Variants in PLXNA2 observed in about 807,000 individuals in gnomAD.
The protein encoded by PLXNA2 is plexin A2.
In PLXNA2, 91 loss-of-function variants were observed where a neutral mutation model predicts 193.5. The observed-to-expected ratio is 0.47, with a 90% CI of 0.40 to 0.56. The LOEUF (loss-of-function observed/expected upper bound fraction) is 0.56. PLXNA2 is among the 20% of genes least tolerant of loss of function. The probability of loss-of-function intolerance (pLI) is 0.00; values close to 1 mark genes in which losing one functional copy is unlikely to be tolerated. For missense variants in PLXNA2, 1,995 were observed against 2,503.2 expected (o/e 0.80, Z 4.33); for synonymous variants, 997 against 1,027.3 (o/e 0.97, Z 0.56).
In PLXNA2 at chr1:208,217,945, A is replaced by G. The variant is rs997489623; in HGVS notation, c.-23T>C. ...CATGCTGAGAGGGGCGGCGGTGAGG[A>G]GACGGCTCCTGTGTGTGCTCATCTG... On this transcript the variant is annotated 5_prime_UTR_variant, in exon 2 of 32. Transcript: ENST00000367033. The surrounding 1 kb of genome is among the most constrained non-coding windows in gnomAD (Gnocchi z 4.7). 14 of 1,601,792 alleles carry G rather than the reference A, an allele frequency of 8.7e-6. No homozygotes were observed. The highest frequency in any genetic ancestry group is 1.2e-5 in the Non-Finnish European group (14 of 1,179,104).
intron 8 of PLXNA2, among the ~76,000 whole-genome samples, chr1:208,094,595 G>A (rs1666819657): frequency 1.3e-5 from 2 of 152,206 alleles, no homozygotes; most frequent in Admixed American, 1.3e-4. Flanking sequence ...TTGAGAAGGA[G>A]GTAAGAAGTT....
chr1:208,129,537 G>A (rs1345160961), intron 4 of PLXNA2, among the ~76,000 whole-genome samples: 1 of 152,220 alleles, frequency 6.6e-6, no homozygotes, highest in African/African-American at 2.4e-5. Flanking sequence ...CCAGTATCAA[G>A]TTTTGGGAAA....
chr1:208,085,203 G>A (rs1666477546), intron 9 of PLXNA2, among the ~76,000 whole-genome samples: 1 of 152,086 alleles, frequency 6.6e-6, no homozygotes, highest in Admixed American at 6.6e-5. Flanking sequence ...AGGACCATGA[G>A]AGAGAGACAG....
At chr1:208,228,919 T>C (rs1171664533) in intron 1 of PLXNA2, among the ~76,000 whole-genome samples, 3 of 152,170 alleles carry the variant, frequency 2.0e-5, no homozygotes, top group Non-Finnish European at 4.4e-5. Flanking sequence ...CTGGTTTTAA[T>C]GGTTTCCTCT....
intron 4 of PLXNA2, among the ~76,000 whole-genome samples, chr1:208,123,482 C>G: frequency 6.6e-6 from 1 of 152,122 alleles, no homozygotes; most frequent in African/African-American, 2.4e-5. Flanking sequence ...GCCTTTTGCA[C>G]CCTCCACACA....
rs1479529154 is a variant in PLXNA2, at chr1:208,159,898, G to T, written c.1372-17435C>A. On this transcript the variant is annotated intron_variant, in intron 3 of 31. Transcript: ENST00000367033. ...GGGGCTGGTGGGCTGGCACTTGGGG[G>T]ATTTTACAGCCTGCTGGTTGAGGTG... is the stretch of plus-strand genomic sequence containing the variant. Among the ~76,000 whole-genome samples, 4 of 152,298 alleles carry T rather than the reference G, an allele frequency of 2.6e-5. No individual in the cohort carries two copies. In the South Asian group the frequency reaches 6.2e-4, roughly 24 times the overall value.
chr1:208,025,062 A>G lies in PLXNA2; in HGVS notation c.*2181T>C, dbSNP rs1367183835. 1.3e-5 allele frequency: 2 copies of G among 152,652 alleles called. No individual in the cohort carries two copies. Among genetic ancestry groups the G allele is most frequent in the Non-Finnish European group, 2.9e-5 (2 of 68,038 alleles). The allele number at this position is 152,652 out of a possible 1,614,324, so 9.5% of individuals were successfully genotyped here. On this transcript the variant is annotated 3_prime_UTR_variant, in exon 32 of 32. Coordinates refer to ENST00000367033, the MANE Select transcript of PLXNA2 (RefSeq NM_025179.4). ...CTACTAATAGGGCCTGAGAAACTTT[A>G]AAGAAGTGGATTTTCAAAAGAAAGT... is the stretch of plus-strand genomic sequence containing the variant.
In PLXNA2 at chr1:208,103,258, G is replaced by C. The variant is rs1314405474; in HGVS notation, c.1507-11C>G. ...GGGGACCCTGGTGACCTGGCAGAGA[G>C]AGCAAAGAGGGTACAGTGAGGTTAG... On this transcript the variant is annotated splice_polypyrimidine_tract_variant and intron_variant, in intron 4 of 31. Coordinates refer to ENST00000367033, the MANE Select transcript of PLXNA2 (RefSeq NM_025179.4). 4 of 1,605,152 alleles carry C rather than the reference G, an allele frequency of 2.5e-6. No homozygotes were observed. The highest frequency in any genetic ancestry group is 2.2e-5 in the East Asian group (1 of 44,810).
At chr1:208,162,669 G>A (rs142357285) in intron 3 of PLXNA2, among the ~76,000 whole-genome samples, 19 of 152,208 alleles carry the variant, frequency 1.2e-4, no homozygotes, top group Non-Finnish European at 2.2e-4. Context: ...GTACTGTTCC[G>A]TGTGCTTTAC....
At position 208,038,452 on chromosome 1, in the gene PLXNA2, G is replaced by A; in HGVS notation, c.4683C>T (p.Ala1561=). 6.2e-7 allele frequency: 1 copy of A among 1,614,180 alleles called. No individual in the cohort carries two copies. Among genetic ancestry groups the A allele is most frequent in the Non-Finnish European group, 8.5e-7 (1 of 1,180,030 alleles). ...MDLEWRQGRI[A]RVVLQDEDIT... ...TGTCCTCATCTTGCAGCACGACCCG[G>A]GCGATCCGGCCTTGGCGCCACTCTG... The change falls in exon 26 of 32, where the codon GCC becomes GCT. Residue 1561 remains alanine (A), a synonymous_variant. Transcript: ENST00000367033. The surrounding 1 kb of genome is among the most constrained non-coding windows in gnomAD (Gnocchi z 4.1).
chr1:208,029,752 G>A (rs1478114684), intron 29 of PLXNA2: 6 of 985,478 alleles, frequency 6.1e-6, no homozygotes, highest in African/African-American at 1.7e-5. Flanking sequence ...CTGCAACTCG[G>A]GAATTTATAA....
At chr1:208,218,369 G>A (rs542690174) in intron 1 of PLXNA2, among the ~76,000 whole-genome samples, 18 of 152,178 alleles carry the variant, frequency 1.2e-4, no homozygotes, top group Admixed American at 9.8e-4. Flanking sequence ...CTATCCTACC[G>A]GCACGTCTTA....
intron 3 of PLXNA2, among the ~76,000 whole-genome samples, chr1:208,203,790 C>A (rs987187832): frequency 6.6e-6 from 1 of 152,086 alleles, no homozygotes; most frequent in Non-Finnish European, 1.5e-5. Context: ...GATGCAGGGG[C>A]GATCAGCACC....
Position 208,082,940 on chromosome 1 carries a change from C to A in PLXNA2, c.2299-432G>T, listed in dbSNP as rs1415103878. 6.6e-6 allele frequency among the ~76,000 whole-genome samples: 1 copy of A among 152,190 alleles called. No homozygotes were observed. The highest frequency in any genetic ancestry group is 1.5e-5 in the Non-Finnish European group (1 of 68,026). On this transcript the variant is annotated intron_variant, in intron 10 of 31. Coordinates refer to ENST00000367033, the MANE Select transcript of PLXNA2 (RefSeq NM_025179.4). The surrounding 1 kb of genome is among the most constrained non-coding windows in gnomAD (Gnocchi z 4.2). The stretch of plus-strand genomic sequence containing the variant: ...TGCAGATCTGCCTCAAACTGTCCAT[C>A]CCCTGGTGTTGCCACTTTCTGTCTT...
intron 3 of PLXNA2, among the ~76,000 whole-genome samples, chr1:208,164,062 T>C (rs2256712): frequency 0.91 from 139,134 of 152,274 alleles, 64,406 homozygotes; most frequent in Non-Finnish European, 0.99. Flanking sequence ...GACGCTTCCA[T>C]ACAGTGTTGC....
Position 208,034,558 on chromosome 1 carries a change from T to C in PLXNA2, c.4799A>G (p.Lys1600Arg). Residue 1600 changes from lysine to arginine, a missense_variant, in exon 27 of 32, where the codon AAA (lysine) becomes AGA (arginine). By Grantham distance (26) the Lys-to-Arg change is conservative. Coordinates refer to ENST00000367033, the MANE Select transcript of PLXNA2 (RefSeq NM_025179.4). ...SDRSVVALVP[K>R]QTSSYNIPAS... ...AGGGATGTTGTAGGAGGAGGTCTGT[T>C]TGGGGACCAGAGCCACCACCGACCT... 2 of 1,614,008 alleles carry C rather than the reference T, an allele frequency of 1.2e-6. No homozygotes were observed. Among genetic ancestry groups the C allele is most frequent in the Non-Finnish European group, 1.7e-6 (2 of 1,179,912 alleles).
intron 3 of PLXNA2, among the ~76,000 whole-genome samples, chr1:208,153,495 C>T (rs181333717): frequency 3.5e-4 from 54 of 152,292 alleles, no homozygotes; most frequent in Admixed American, 1.4e-3. Flanking sequence ...TGGAACCTGG[C>T]GTGTAAACAC....
At chr1:208,037,418 G>A (rs1664704588) in intron 26 of PLXNA2, among the ~76,000 whole-genome samples, 1 of 152,172 alleles carries the variant, frequency 6.6e-6, no homozygotes, top group African/African-American at 2.4e-5. Context: ...GCGCCTGGTG[G>A]TTGGCAGCTC....
chr1:208,209,611 T>C (rs1173591673), intron 3 of PLXNA2, among the ~76,000 whole-genome samples: 1 of 152,210 alleles, frequency 6.6e-6, no homozygotes. Context: ...CCTCCCATGC[T>C]GCCATCCCCA....
Sources: allele counts gnomAD v4.1 joint callset (sites outside exome capture counted in the v4.1 genomes callset), GRCh38; gene constraint gnomAD v4.1.1; non-coding constraint Gnocchi (gnomAD v3.1); transcripts MANE v1.5; gene names NCBI Gene and HGNC (gene_info 2026-07-23, HGNC 2026-07-21).